The following RPS6KA2 variants were observed in gnomAD, a reference collection of about 807,000 sequenced individuals.
RPS6KA2 encodes the protein ribosomal protein S6 kinase A2.
RPS6KA2 carries 42 observed loss-of-function variants against 91.8 expected under a neutral mutation model. The ratio of observed to expected loss-of-function variants is 0.46; its 90% CI spans 0.36 to 0.59. The LOEUF (loss-of-function observed/expected upper bound fraction) is 0.59, where lower values mean the gene tolerates loss of function less well. Ranked by LOEUF, RPS6KA2 falls within the 20% of genes least tolerant of loss-of-function variation. The probability of loss-of-function intolerance (pLI) is 0.00; values close to 1 mark genes in which losing one functional copy is unlikely to be tolerated. For missense variants in RPS6KA2, 798 were observed against 978.5 expected (o/e 0.82, Z 2.46); for synonymous variants, 414 against 393.6 (o/e 1.05, Z -0.61).
chr6:166,568,757 G>A (rs1049700782), intron 1 of RPS6KA2, among the ~76,000 whole-genome samples: 19 of 150,896 alleles, frequency 1.3e-4, no homozygotes, highest in African/African-American at 4.1e-4. Flanking sequence ...GGAGGTGACT[G>A]TGCTTGTCCC....
At chr6:166,841,982 G>C (rs1325494006) in intron 2 of RPS6KA2, among the ~76,000 whole-genome samples, 1 of 152,136 alleles carries the variant, frequency 6.6e-6, no homozygotes, top group Non-Finnish European at 1.5e-5. Flanking sequence ...GCAGGATCTG[G>C]CATCTCTCGA....
chr6:166,712,102 C>T (rs914152663), intron 2 of RPS6KA2, among the ~76,000 whole-genome samples: 40 of 152,210 alleles, frequency 2.6e-4, no homozygotes, highest in Non-Finnish European at 4.7e-4. Context: ...GCTGGTGCAG[C>T]CTGCTCAGGA....
At chr6:166,785,049 C>T (rs1443921243) in intron 2 of RPS6KA2, among the ~76,000 whole-genome samples, 2 of 152,248 alleles carry the variant, frequency 1.3e-5, no homozygotes, top group African/African-American at 2.4e-5. Context: ...TCTCTGTATA[C>T]ACGTGTCTGT....
chr6:166,471,943 G>A (rs1342316452), intron 10 of RPS6KA2, among the ~76,000 whole-genome samples: 1 of 152,234 alleles, frequency 6.6e-6, no homozygotes, highest in East Asian at 1.9e-4. Flanking sequence ...GCCTTCGCAG[G>A]CGCACCAGTG....
rs548827079 is a variant in RPS6KA2, at chr6:166,626,736, T to C, written c.99+185A>G. On this transcript the variant is annotated intron_variant, in intron 1 of 20. Transcript: ENST00000265678. This position sits in a 1 kb window ranked among gnomAD's most constrained non-coding sequence, Gnocchi z 4.1. ...CGCGAGGACCCACGGACCGCCCAATTACTACGGAGTCCCAGCGATAACGTT... is the reference window on the plus strand; with the variant it reads ...CGCGAGGACCCACGGACCGCCCAATCACTACGGAGTCCCAGCGATAACGTT... Among the ~76,000 whole-genome samples the C allele has an allele frequency of 6.6e-6, 1 of 152,176 alleles. No homozygotes were observed. The highest frequency in any genetic ancestry group is 1.5e-5 in the Non-Finnish European group (1 of 67,986).
intron 10 of RPS6KA2, among the ~76,000 whole-genome samples, chr6:166,482,890 G>A (rs1189546969): frequency 2.6e-5 from 4 of 152,172 alleles, no homozygotes; most frequent in African/African-American, 7.2e-5. Flanking sequence ...GCTACAGGAC[G>A]CCCTCACCAT....
intron 13 of RPS6KA2, 143 bp downstream of exon 13, chr6:166,450,960 A>T: frequency 1.1e-6 from 1 of 949,544 alleles, no homozygotes; most frequent in East Asian, 2.6e-5. Flanking sequence ...GAACAATGGG[A>T]AGTGTGAGGG....
At chr6:166,586,578 G>A (rs1240324084) in intron 1 of RPS6KA2, 9 of 1,121,058 alleles carry the variant, frequency 8.0e-6, no homozygotes, top group Admixed American at 2.3e-5. Flanking sequence ...GAACCCCGCC[G>A]GCGAGACACT....
At chr6:166,772,422 T>G (rs960260715) in intron 2 of RPS6KA2, among the ~76,000 whole-genome samples, 2 of 152,192 alleles carry the variant, frequency 1.3e-5, no homozygotes, top group Non-Finnish European at 2.9e-5. Flanking sequence ...GAAGAGAAAT[T>G]CAGTGTCCTG....
At chr6:166,504,660 T>A in intron 5 of RPS6KA2, 48 bp from the exon 6 acceptor site, 2 of 1,348,528 alleles carry the variant, frequency 1.5e-6, no homozygotes, top group Non-Finnish European at 2.1e-6. Context: ...TTAACTTGTT[T>A]TATGGCTGGT....
At chr6:166,537,552 C>T (rs145922280) in intron 2 of RPS6KA2, among the ~76,000 whole-genome samples, 1 of 151,842 alleles carries the variant, frequency 6.6e-6, no homozygotes, top group African/African-American at 2.4e-5. Flanking sequence ...TACAAACAAT[C>T]CAGTTCATGC....
chr6:166,488,358 G>C (rs1228929545), intron 10 of RPS6KA2, among the ~76,000 whole-genome samples: 1 of 152,140 alleles, frequency 6.6e-6, no homozygotes, highest in Non-Finnish European at 1.5e-5. Context: ...GCGCCAACTC[G>C]CTAAGACCGG....
chr6:166,791,990 C>T (rs1779102027), intron 2 of RPS6KA2, among the ~76,000 whole-genome samples: 1 of 151,724 alleles, frequency 6.6e-6, no homozygotes. Flanking sequence ...CAAAAGCTAG[C>T]AGAAGGCAAG....
intron 2 of RPS6KA2, among the ~76,000 whole-genome samples, chr6:166,534,466 C>T (rs142165947): frequency 1.3e-5 from 2 of 152,164 alleles, no homozygotes; most frequent in South Asian, 2.1e-4. Context: ...TGAGTGGGTC[C>T]GTACTTTCAA....
intron 10 of RPS6KA2, among the ~76,000 whole-genome samples, chr6:166,476,884 C>T (rs924940568): frequency 8.5e-5 from 13 of 152,116 alleles, no homozygotes; most frequent in Middle Eastern, 3.2e-3. Context: ...TGGAGGTGTG[C>T]GATTGCCTTG....
intron 2 of RPS6KA2, among the ~76,000 whole-genome samples, chr6:166,802,541 G>A (rs1374943161): frequency 2.6e-5 from 4 of 152,126 alleles, no homozygotes; most frequent in East Asian, 1.9e-4. Context: ...CTGCACGACC[G>A]TCTGCCAGAC....
intron 2 of RPS6KA2, among the ~76,000 whole-genome samples, chr6:166,855,394 A>G (rs1396358335): frequency 2.2e-5 from 3 of 139,286 alleles, no homozygotes; most frequent in Admixed American, 2.2e-4. Flanking sequence ...GAAAAAGGAG[A>G]AGGAGGAGGA....
intron 2 of RPS6KA2, among the ~76,000 whole-genome samples, chr6:166,637,604 C>A (rs139272808): frequency 6.6e-6 from 1 of 152,216 alleles, no homozygotes; most frequent in African/African-American, 2.4e-5. Context: ...ACTAACCAAG[C>A]GCTCAGAACT....
intron 1 of RPS6KA2, among the ~76,000 whole-genome samples, chr6:166,859,229 A>G (rs941642914): frequency 6.6e-6 from 1 of 152,216 alleles, no homozygotes; most frequent in Non-Finnish European, 1.5e-5. Flanking sequence ...CTCTTTCTCT[A>G]TCTAATGTAT....
Sources: allele counts gnomAD v4.1 joint callset (sites outside exome capture counted in the v4.1 genomes callset), GRCh38; gene constraint gnomAD v4.1.1; non-coding constraint Gnocchi (gnomAD v3.1); transcripts MANE v1.5; gene names NCBI Gene and HGNC (gene_info 2026-07-23, HGNC 2026-07-21).